DUSP13B: variants seen among roughly 807,000 people sequenced by gnomAD.
DUSP13B encodes the protein dual specificity protein phosphatase 13B.
At chr10:75,099,322 A>C in the DUSP13B span, 5 of 1,232,306 alleles carry the variant, frequency 4.1e-6, no homozygotes, top group Non-Finnish European at 5.1e-6. Context: ...CGGCTTGGCC[A>C]GGCTCACCCA....
the DUSP13B span, among the ~76,000 whole-genome samples, chr10:75,101,374 T>TA: frequency 1.4e-4 from 22 of 152,322 alleles, no homozygotes; most frequent in Middle Eastern, 3.4e-3. Flanking sequence ...TAATTACTCT[T>TA]ACCCTTTCCA....
the DUSP13B span, among the ~76,000 whole-genome samples, chr10:75,106,513 A>C: frequency 1.3e-5 from 2 of 152,150 alleles, no homozygotes; most frequent in African/African-American, 4.8e-5. Flanking sequence ...GTATTGCTTG[A>C]ATCACAAAGC....
chr10:75,097,750 A>G, the DUSP13B span: 1 of 1,612,818 alleles, frequency 6.2e-7, no homozygotes, highest in Non-Finnish European at 8.5e-7. Flanking sequence ...CCTCATCGAT[A>G]TGGTTCAGTG....
At chr10:75,108,036 G>A in the DUSP13B span, 5 of 1,613,848 alleles carry the variant, frequency 3.1e-6, no homozygotes, top group Non-Finnish European at 4.2e-6. Context: ...AGCCGCAGAG[G>A]AGAAGTAGGC....
At chr10:75,094,883 A>T in the DUSP13B span, 1 of 1,613,594 alleles carries the variant, frequency 6.2e-7, no homozygotes, top group Non-Finnish European at 8.5e-7. Flanking sequence ...CGCGGCCTGT[A>T]GGGAGAACCA....
At chr10:75,099,479 C>T in the DUSP13B span, 1 of 1,232,344 alleles carries the variant, frequency 8.1e-7, no homozygotes, top group Non-Finnish European at 1.0e-6. Context: ...AGGGGCAGGA[C>T]TCTGCCTGAG....
chr10:75,094,912 G>A, the DUSP13B span: 2 of 1,597,704 alleles, frequency 1.3e-6, no homozygotes, highest in Non-Finnish European at 1.7e-6. Context: ...TCAGCTACCT[G>A]CCCTTGAACC....
the DUSP13B span, among the ~76,000 whole-genome samples, chr10:75,104,433 G>A: frequency 6.6e-6 from 1 of 152,136 alleles, no homozygotes; most frequent in Non-Finnish European, 1.5e-5. Context: ...ATTGTGCAAT[G>A]CTGTACCCCT....
the DUSP13B span, chr10:75,105,708 G>T: frequency 6.4e-7 from 1 of 1,552,468 alleles, no homozygotes; most frequent in Non-Finnish European, 8.7e-7. Context: ...GGTCCAGCCT[G>T]CAGAGCTGGT....
chr10:75,097,945 G>A, the DUSP13B span: 1 of 1,464,246 alleles, frequency 6.8e-7, no homozygotes, highest in Non-Finnish European at 9.1e-7. Flanking sequence ...GGATCCAGCT[G>A]ATGGGGAAGC....
the DUSP13B span, chr10:75,099,160 T>TG: frequency 8.1e-7 from 1 of 1,232,102 alleles, no homozygotes; most frequent in Non-Finnish European, 1.0e-6. Flanking sequence ...AATATGGGCC[T>TG]GGTGCCGTGT....
chr10:75,102,014 C>G, the DUSP13B span: 1 of 1,290,056 alleles, frequency 7.8e-7, no homozygotes, highest in Non-Finnish European at 1.0e-6. Flanking sequence ...TCCCCTCTTC[C>G]AGCCTCCCCT....
the DUSP13B span, among the ~76,000 whole-genome samples, chr10:75,100,873 C>T: frequency 2.6e-5 from 4 of 152,264 alleles, no homozygotes; most frequent in Non-Finnish European, 5.9e-5. Flanking sequence ...CCTCCCATGA[C>T]GCTGCTCTGT....
chr10:75,095,602 T>C, the DUSP13B span: 1 of 1,613,990 alleles, frequency 6.2e-7, no homozygotes, highest in Non-Finnish European at 8.5e-7. Flanking sequence ...GCAGCTCGGA[T>C]GTATCGAGCA....
the DUSP13B span, chr10:75,097,711 C>T: frequency 7.0e-6 from 11 of 1,567,508 alleles, no homozygotes; most frequent in East Asian, 2.3e-5. Flanking sequence ...GTCTTACTCA[C>T]GCATCTCCCA....
the DUSP13B span, chr10:75,101,803 C>T: frequency 5.9e-5 from 71 of 1,194,336 alleles, no homozygotes; most frequent in Admixed American, 1.1e-3. Flanking sequence ...GTGTCCTGGC[C>T]CTCATTACCC....
At chr10:75,106,958 A>G in the DUSP13B span, among the ~76,000 whole-genome samples, 25 of 152,350 alleles carry the variant, frequency 1.6e-4, no homozygotes, top group South Asian at 5.2e-3. Flanking sequence ...GTCTTCTAGG[A>G]TGGACACAAA....
chr10:75,094,688 C>A, the DUSP13B span: 1 of 1,613,934 alleles, frequency 6.2e-7, no homozygotes, highest in Non-Finnish European at 8.5e-7. Context: ...AGAACCGCCC[C>A]GTCTCCCGCC....
At chr10:75,095,550 C>T in the DUSP13B span, 2 of 1,604,912 alleles carry the variant, frequency 1.2e-6, no homozygotes. Flanking sequence ...CTCCACCCTC[C>T]ACCATGCCTG....
Sources: allele counts gnomAD v4.1 joint callset (sites outside exome capture counted in the v4.1 genomes callset), GRCh38; gene constraint gnomAD v4.1.1; transcripts MANE v1.5; gene names NCBI Gene and HGNC (gene_info 2026-07-23, HGNC 2026-07-21).